The following HDX variants were observed in gnomAD, a reference collection of about 807,000 sequenced individuals.
The protein encoded by HDX is chromosome X open reading frame 43.
A neutral mutation model predicts 45.2 loss-of-function variants in HDX; 19 were observed. The observed-to-expected ratio is 0.42, with a 90% CI of 0.29 to 0.62. The LOEUF is 0.62. Among genes scored for constraint, HDX ranks in the 20% least tolerant of loss-of-function variants. HDX has a pLI of 0.20. For synonymous variants in HDX, 188 were observed against 172.8 expected (o/e 1.09, Z -0.69); for missense variants, 532 against 493.9 (o/e 1.08, Z -0.73).
chrX:84,328,204 T>A lies in HDX; in HGVS notation c.1825-1904A>T, dbSNP rs763237475. Among the ~76,000 whole-genome samples, 97 of 109,002 alleles carry A rather than the reference T, an allele frequency of 8.9e-4. 1 individual carries two copies. Among genetic ancestry groups the A allele is most frequent in the Admixed American group, 6.0e-3 (60 of 10,046 alleles). 94.7% of individuals were successfully genotyped at this position (109,002 alleles called of 115,157 possible). A position where few individuals can be genotyped will look rare whatever the true frequency, so the allele number is the denominator to read the frequency against. On this transcript the variant is annotated intron_variant, in intron 9 of 10. Coordinates refer to ENST00000373177, the MANE Select transcript of HDX (RefSeq NM_001177479.2). Reference sequence around the variant, plus strand: ...CAAAACCCTGTCTCTACCAAAAAAATATATATATATAGCCTGACATGGTAT... The same window carrying A: ...CAAAACCCTGTCTCTACCAAAAAAAAATATATATATAGCCTGACATGGTAT...
intron 5 of HDX, among the ~76,000 whole-genome samples, chrX:84,435,729 G>A (rs1171839489): frequency 9.2e-6 from 1 of 108,766 alleles, no homozygotes; most frequent in Non-Finnish European, 1.9e-5. Flanking sequence ...ATCTTGAATT[G>A]ATTTTTGTAT....
At position 84,468,466 on chromosome X, in the gene HDX, C is replaced by T. The variant is rs2040395012; in HGVS notation, c.1251+6G>A. 1.8e-6 allele frequency: 2 copies of T among 1,098,699 alleles called. No individual in the cohort carries two copies. The highest frequency in any genetic ancestry group is 1.2e-6 in the Non-Finnish European group (1 of 818,414). 90.5% of individuals were successfully genotyped at this position (1,098,699 alleles called of 1,213,427 possible). A position where few individuals can be genotyped will look rare whatever the true frequency, so the allele number is the denominator to read the frequency against. On this transcript the variant is annotated splice_donor_region_variant and intron_variant, in intron 4 of 10. Coordinates refer to ENST00000373177, the MANE Select transcript of HDX (RefSeq NM_001177479.2). ...AAAACCTTTATAAAATAAATTTACA[C>T]ATTACCTGGTAATTGTTTTGGTTTT...
intron 3 of HDX, among the ~76,000 whole-genome samples, chrX:84,471,151 C>T (rs145456244): frequency 0.013 from 1,481 of 110,508 alleles, 36 homozygotes; most frequent in African/African-American, 0.047. Flanking sequence ...GTTTACTGTA[C>T]ATCTTATACA....
intron 4 of HDX, among the ~76,000 whole-genome samples, chrX:84,450,702 C>T (rs1342380738): frequency 8.9e-6 from 1 of 112,265 alleles, no homozygotes; most frequent in East Asian, 2.8e-4. Flanking sequence ...GGACTTAAAA[C>T]ACATTTACAG....
chrX:84,428,559 A>C (rs1488134281), intron 5 of HDX, among the ~76,000 whole-genome samples: 2 of 111,012 alleles, frequency 1.8e-5, no homozygotes, highest in Non-Finnish European at 3.8e-5. Context: ...GTCACATAAT[A>C]GAAATCACAT....
chrX:84,396,283 C>A lies in HDX; in HGVS notation c.1306-34671G>T, dbSNP rs1446458853. Among the ~76,000 whole-genome samples the A allele has an allele frequency of 1.7e-4, 19 of 112,324 alleles. No homozygotes were observed. In the East Asian group the frequency reaches 4.5e-3, roughly 27 times the overall value. Reference sequence around the variant, plus strand: ...GCCACTTTGGTTTTGATTCTGGGTGCATGCAGTAGAATACTCGCTGTATGA... The same window carrying A: ...GCCACTTTGGTTTTGATTCTGGGTGAATGCAGTAGAATACTCGCTGTATGA... On this transcript the variant is annotated intron_variant, in intron 5 of 10. Transcript: ENST00000373177.
intron 10 of HDX, among the ~76,000 whole-genome samples, chrX:84,325,502 T>C (rs2036690362): frequency 8.9e-6 from 1 of 111,789 alleles, no homozygotes; most frequent in Non-Finnish European, 1.9e-5. Context: ...TTTAGCAGGC[T>C]TAACAAATTA....
intron 2 of HDX, among the ~76,000 whole-genome samples, chrX:84,476,746 C>T (rs975683283): frequency 1.1e-4 from 12 of 111,234 alleles, no homozygotes; most frequent in Non-Finnish European, 1.9e-5. Context: ...AAAAATAAAG[C>T]TCTCTATTAA....
intron 6 of HDX, among the ~76,000 whole-genome samples, chrX:84,353,762 A>T (rs924261680): frequency 6.3e-5 from 7 of 111,599 alleles, no homozygotes; most frequent in African/African-American, 2.0e-4. Flanking sequence ...GTGAGTGGGT[A>T]TCATACAATC....
At chrX:84,443,846 T>C (rs1054657259) in intron 4 of HDX, among the ~76,000 whole-genome samples, 1 of 111,935 alleles carries the variant, frequency 8.9e-6, no homozygotes, top group Non-Finnish European at 1.9e-5. Flanking sequence ...TATATAACTT[T>C]CCAGTCAGGT....
In HDX at chrX:84,502,344, CG is replaced by C. The variant is rs1037139736; in HGVS notation, c.-113del. On this transcript the variant is annotated 5_prime_UTR_variant, in exon 1 of 11. Transcript: ENST00000373177. ...CCCACTTAGTGTTGAGTGCTTACCT[CG>C]GGTGTGGTGCGGTTACGAAAGGAAT... 2 of 110,849 alleles carry C rather than the reference CG, an allele frequency of 1.8e-5. No homozygotes were observed. Among genetic ancestry groups the C allele is most frequent in the Non-Finnish European group, 3.8e-5 (2 of 52,966 alleles). 9.1% of individuals were successfully genotyped at this position (110,849 alleles called of 1,213,427 possible).
chrX:84,482,700 A>G (rs1355314900), intron 2 of HDX, among the ~76,000 whole-genome samples: 1 of 110,951 alleles, frequency 9.0e-6, no homozygotes, highest in Admixed American at 9.5e-5. Context: ...GGCCCTTCCC[A>G]AATCTCATGT....
At chrX:84,462,403 G>C (rs1037440259) in intron 4 of HDX, among the ~76,000 whole-genome samples, 9 of 111,764 alleles carry the variant, frequency 8.1e-5, no homozygotes, top group African/African-American at 2.3e-4. Flanking sequence ...ATGTTAAGTC[G>C]AATAAGCCAG....
At chrX:84,351,025 ATC>A (rs1415907219) in intron 6 of HDX, among the ~76,000 whole-genome samples, 1 of 109,433 alleles carries the variant, frequency 9.1e-6, no homozygotes, top group Non-Finnish European at 1.9e-5. Context: ...CTATCTATCT[ATC>A]TATCTATCTA....
chrX:84,463,042 G>A (rs2040272922), intron 4 of HDX, among the ~76,000 whole-genome samples: 1 of 110,891 alleles, frequency 9.0e-6, no homozygotes, highest in Non-Finnish European at 1.9e-5. Context: ...GTGTGCTAAT[G>A]GGTATGGGGT....
intron 10 of HDX, among the ~76,000 whole-genome samples, chrX:84,323,613 A>T (rs1217571600): frequency 8.9e-6 from 1 of 111,735 alleles, no homozygotes; most frequent in Non-Finnish European, 1.9e-5. Context: ...TAGTTGAGTA[A>T]AATGAGTGCA....
At chrX:84,495,526 A>G (rs76683303) in intron 1 of HDX, among the ~76,000 whole-genome samples, 8 of 111,801 alleles carry the variant, frequency 7.2e-5, no homozygotes, top group African/African-American at 9.7e-5. Context: ...AAGAAAATGC[A>G]TAATGTAATC....
At chrX:84,465,736 G>C (rs1026915056) in intron 4 of HDX, among the ~76,000 whole-genome samples, 1 of 111,554 alleles carries the variant, frequency 9.0e-6, no homozygotes, top group Non-Finnish European at 1.9e-5. Flanking sequence ...GGGTTGATGG[G>C]TGCAGCAAAC....
intron 5 of HDX, among the ~76,000 whole-genome samples, chrX:84,370,503 G>A (rs2147873011): frequency 8.9e-6 from 1 of 111,748 alleles, no homozygotes; most frequent in African/African-American, 3.3e-5. Flanking sequence ...ACAGAATAGG[G>A]GTCTGGGCAA....
Sources: allele counts gnomAD v4.1 joint callset (sites outside exome capture counted in the v4.1 genomes callset), GRCh38; gene constraint gnomAD v4.1.1; transcripts MANE v1.5; gene names NCBI Gene and HGNC (gene_info 2026-07-23, HGNC 2026-07-21).